The following GTF2B variants were observed in gnomAD, a reference collection of about 807,000 sequenced individuals.
The protein encoded by GTF2B is transcription initiation factor IIB.
In GTF2B, 20 loss-of-function variants were observed where a neutral mutation model predicts 34.6. That is an observed-to-expected ratio of 0.58 (90% CI 0.41 to 0.84). The LOEUF (loss-of-function observed/expected upper bound fraction) is 0.84, where lower values mean the gene tolerates loss of function less well. Ranked by LOEUF, GTF2B falls within the 40% of genes least tolerant of loss-of-function variation. The pLI is 0.00. For synonymous variants in GTF2B, 142 were observed against 132.4 expected (o/e 1.07, Z -0.50); for missense variants, 237 against 393.3 (o/e 0.60, Z 3.36).
chr1:88,873,797 C>T (rs1300773935), intron 2 of GTF2B, among the ~76,000 whole-genome samples: 1 of 152,180 alleles, frequency 6.6e-6, no homozygotes, highest in Admixed American at 6.5e-5. Context: ...GAGTTGTACA[C>T]ATCTCTTCTA....
intron 1 of GTF2B, among the ~76,000 whole-genome samples, chr1:88,890,400 G>GT (rs1209373263): frequency 6.6e-6 from 1 of 152,178 alleles, no homozygotes. Context: ...ATCATAAAAT[G>GT]TAAGTCTTGG....
intron 1 of GTF2B, among the ~76,000 whole-genome samples, chr1:88,888,657 T>C (rs761719747): frequency 2.6e-5 from 4 of 152,186 alleles, no homozygotes; most frequent in Admixed American, 1.3e-4. Flanking sequence ...TAGAAAACTA[T>C]AGTTTGTGTA....
At chr1:88,857,177 C>T (rs779752741) in intron 6 of GTF2B, 29 bp downstream of exon 6, 4 of 1,573,432 alleles carry the variant, frequency 2.5e-6, no homozygotes, top group Non-Finnish European at 3.4e-6. Flanking sequence ...TTTCAGTTTA[C>T]TGCCACACTT....
intron 3 of GTF2B, among the ~76,000 whole-genome samples, chr1:88,862,725 G>A (rs976859633): frequency 1.3e-5 from 2 of 152,042 alleles, no homozygotes; most frequent in African/African-American, 2.4e-5. Flanking sequence ...TGCAACCTCC[G>A]CCTCCCGGGT....
chr1:88,865,835 C>T (rs1460987036), intron 2 of GTF2B, among the ~76,000 whole-genome samples: 1 of 143,418 alleles, frequency 7.0e-6, no homozygotes, highest in African/African-American at 2.9e-5. Context: ...AGTGAAACTC[C>T]ATCTCAAAAA....
chr1:88,855,485 T>C (rs896578140), intron 6 of GTF2B, among the ~76,000 whole-genome samples: 7 of 151,900 alleles, frequency 4.6e-5, no homozygotes, highest in African/African-American at 1.7e-4. Flanking sequence ...CCCGAGTAGC[T>C]GGGACTACAG....
chr1:88,878,048 T>C (rs986301961), intron 2 of GTF2B, among the ~76,000 whole-genome samples: 1 of 152,222 alleles, frequency 6.6e-6, no homozygotes, highest in African/African-American at 2.4e-5. Context: ...GCGGGTAGAC[T>C]GCTTAAGGCC....
In GTF2B at chr1:88,853,267, C is replaced by T. The variant is rs1396564567; in HGVS notation, c.897G>A (p.Leu299=). 6 of 1,612,738 alleles carry T rather than the reference C, an allele frequency of 3.7e-6. No homozygotes were observed. Among genetic ancestry groups the T allele is most frequent in the Non-Finnish European group, 5.1e-6 (6 of 1,178,830 alleles). Reference sequence around the variant, plus strand: ...TGTCAAATTTGAAGTCTGTAGGAAACAGATCTGGGGCTCGAGGATAGATCA... The same window carrying T: ...TGTCAAATTTGAAGTCTGTAGGAAATAGATCTGGGGCTCGAGGATAGATCA... The part of the protein sequence containing the change: ...YRLIYPRAPD[L]FPTDFKFDTP... The change falls in exon 7 of 7, where the codon CTG becomes CTA. Residue 299 remains leucine (L), a synonymous_variant. Coordinates refer to ENST00000370500, the MANE Select transcript of GTF2B (RefSeq NM_001514.6).
At chr1:88,877,761 A>C (rs1188398680) in intron 2 of GTF2B, among the ~76,000 whole-genome samples, 2 of 152,112 alleles carry the variant, frequency 1.3e-5, no homozygotes, top group African/African-American at 4.8e-5. Flanking sequence ...GCGAAACCCT[A>C]TCTCTACTAA....
Position 88,860,277 on chromosome 1 carries a change from C to G in GTF2B, c.268G>C (p.Ala90Pro). 6.2e-7 allele frequency: 1 copy of G among 1,612,766 alleles called. No individual in the cohort carries two copies. Among genetic ancestry groups the G allele is most frequent in the Non-Finnish European group, 8.5e-7 (1 of 1,179,582 alleles). ...TTGCCAAATTCGTCAAAACTTGCAG[C>G]TCCTGTGCCCTATAAAACAGTTTTA... is the stretch of plus-strand genomic sequence containing the variant. Reference protein sequence around the residue: ...LSTMIGKGTGAASFDEFGNSK... With the variant: ...LSTMIGKGTGPASFDEFGNSK... Residue 90 changes from alanine to proline, a missense_variant, in exon 4 of 7, where the codon GCT (alanine) becomes CCT (proline). Transcript: ENST00000370500.
intron 6 of GTF2B, among the ~76,000 whole-genome samples, chr1:88,853,558 A>G (rs1673236911): frequency 6.6e-6 from 1 of 152,224 alleles, no homozygotes; most frequent in Non-Finnish European, 1.5e-5. Flanking sequence ...TAATCCCAGC[A>G]CTTTGGGAGG....
intron 2 of GTF2B, among the ~76,000 whole-genome samples, chr1:88,883,514 G>T (rs1235499450): frequency 6.6e-6 from 1 of 151,810 alleles, no homozygotes; most frequent in Non-Finnish European, 1.5e-5. Context: ...CAGGGTTCAA[G>T]ACTAGTCTGG....
intron 1 of GTF2B, chr1:88,888,155 T>C (rs1339649811): frequency 6.6e-6 from 1 of 152,196 alleles, no homozygotes; most frequent in Non-Finnish European, 1.5e-5. Context: ...AAGGCCCTTT[T>C]AAAAACCATC....
At chr1:88,882,465 A>G (rs1557661087) in intron 2 of GTF2B, among the ~76,000 whole-genome samples, 1 of 152,170 alleles carries the variant, frequency 6.6e-6, no homozygotes, top group African/African-American at 2.4e-5. Context: ...CATTTAACTG[A>G]AGGGTTAAGC....
At chr1:88,855,971 T>C (rs1005856161) in intron 6 of GTF2B, among the ~76,000 whole-genome samples, 15 of 152,072 alleles carry the variant, frequency 9.9e-5, no homozygotes, top group African/African-American at 3.6e-4. Context: ...ACTTCTAACT[T>C]TAAAAGGGAG....
chr1:88,881,018 A>AG (rs1444713300), intron 2 of GTF2B, among the ~76,000 whole-genome samples: 2 of 151,382 alleles, frequency 1.3e-5, no homozygotes, highest in African/African-American at 4.9e-5. Flanking sequence ...CAAAAAAAAA[A>AG]AAAAAAAAAG....
intron 5 of GTF2B, among the ~76,000 whole-genome samples, chr1:88,859,366 T>C (rs1315215804): frequency 6.6e-6 from 1 of 151,970 alleles, no homozygotes; most frequent in African/African-American, 2.4e-5. Flanking sequence ...CTAAAATGAG[T>C]CTACATGGGA....
intron 2 of GTF2B, among the ~76,000 whole-genome samples, chr1:88,886,525 TTC>T (rs1489748855): frequency 1.3e-5 from 2 of 152,228 alleles, no homozygotes; most frequent in African/African-American, 2.4e-5. Context: ...ATAATAAATC[TTC>T]TTTTTGACTA....
At chr1:88,856,804 G>GT (rs139940304) in intron 6 of GTF2B, among the ~76,000 whole-genome samples, 66,998 of 137,628 alleles carry the variant, frequency 0.49, 17,057 homozygotes, top group Middle Eastern at 0.7. Context: ...TTAAACGTGG[G>GT]TTTTTTTTTT....
Sources: allele counts gnomAD v4.1 joint callset (sites outside exome capture counted in the v4.1 genomes callset), GRCh38; gene constraint gnomAD v4.1.1; transcripts MANE v1.5; gene names NCBI Gene and HGNC (gene_info 2026-07-23, HGNC 2026-07-21).